Variants in CNGB3 observed in about 807,000 individuals in gnomAD.
CNGB3 encodes the protein cyclic nucleotide gated channel subunit beta 3, also known as cyclic nucleotide-gated channel beta-3.
A neutral mutation model predicts 92.8 loss-of-function variants in CNGB3; 86 were observed. That is an observed-to-expected ratio of 0.93 (90% confidence interval 0.78 to 1.11). The LOEUF (loss-of-function observed/expected upper bound fraction) is 1.11, where lower values mean the gene tolerates loss of function less well. Among genes scored for constraint, CNGB3 ranks in the 50% least tolerant of loss-of-function variants. The pLI is 0.00. For missense variants in CNGB3, 1,026 were observed against 956.8 expected (o/e 1.07, Z -0.95); for synonymous variants, 333 against 332.7 (o/e 1.00, Z -0.01).
intron 3 of CNGB3, among the ~76,000 whole-genome samples, chr8:86,675,915 T>C (rs1823958129): frequency 6.6e-6 from 1 of 152,110 alleles, no homozygotes; most frequent in African/African-American, 2.4e-5. Context: ...ATTACAGAAG[T>C]TTTTACCCTC....
intron 7 of CNGB3, among the ~76,000 whole-genome samples, chr8:86,648,754 TATTGTAAGGCCAC>T (rs1823340461): frequency 6.6e-6 from 1 of 151,116 alleles, no homozygotes; most frequent in African/African-American, 2.4e-5. Flanking sequence ...GTTAAGAACA[TATTGTAAGGCCAC>T]ACATATAAAA....
chr8:86,659,834 GT>G, intron 6 of CNGB3: 1 of 407,684 alleles, frequency 2.5e-6, no homozygotes, highest in South Asian at 2.0e-5. Flanking sequence ...GAATTTCTTG[GT>G]TTTGTTGTTT....
chr8:86,594,786 G>A (rs186418880), intron 15 of CNGB3, among the ~76,000 whole-genome samples: 33 of 152,282 alleles, frequency 2.2e-4, no homozygotes, highest in Admixed American at 7.8e-4. Context: ...TCGGCTCACT[G>A]CAACCTCCGA....
intron 7 of CNGB3, among the ~76,000 whole-genome samples, chr8:86,650,428 T>A (rs1823380717): frequency 6.6e-6 from 1 of 150,778 alleles, no homozygotes; most frequent in Non-Finnish European, 1.5e-5. Context: ...AAAAGACACA[T>A]GCACATATAG....
intron 3 of CNGB3, among the ~76,000 whole-genome samples, chr8:86,681,941 C>A (rs1255230434): frequency 2.6e-5 from 4 of 152,182 alleles, no homozygotes; most frequent in Non-Finnish European, 4.4e-5. Flanking sequence ...AAGAAAGCAG[C>A]AAATTCCATT....
chr8:86,655,662 C>G (rs1585995937), intron 6 of CNGB3, among the ~76,000 whole-genome samples: 1 of 152,140 alleles, frequency 6.6e-6, no homozygotes, highest in Non-Finnish European at 1.5e-5. Flanking sequence ...TTTTGTTGGT[C>G]TGTCCTAGAC....
At chr8:86,607,838 A>G (rs1056383286) in intron 14 of CNGB3, among the ~76,000 whole-genome samples, 1 of 152,174 alleles carries the variant, frequency 6.6e-6, no homozygotes, top group Admixed American at 6.5e-5. Context: ...GATAACCTCA[A>G]ATTGAACGTA....
At chr8:86,581,861 G>A (rs1204845705) in intron 15 of CNGB3, among the ~76,000 whole-genome samples, 1 of 152,106 alleles carries the variant, frequency 6.6e-6, no homozygotes, top group African/African-American at 2.4e-5. Flanking sequence ...GGAACTAGAA[G>A]GAATTTGAAG....
At chr8:86,684,087 A>C (rs923413972) in intron 3 of CNGB3, among the ~76,000 whole-genome samples, 3 of 152,314 alleles carry the variant, frequency 2.0e-5, no homozygotes, top group Middle Eastern at 3.4e-3. Context: ...AAATATTCAC[A>C]GACTACCTAT....
intron 15 of CNGB3, among the ~76,000 whole-genome samples, chr8:86,583,700 G>T (rs959711637): frequency 2.3e-4 from 35 of 152,008 alleles, no homozygotes; most frequent in African/African-American, 7.9e-4. Flanking sequence ...CAGGCAGATT[G>T]CTGGAGCCCA....
intron 15 of CNGB3, among the ~76,000 whole-genome samples, chr8:86,592,979 G>T (rs187925227): frequency 6.6e-6 from 1 of 152,308 alleles, no homozygotes; most frequent in East Asian, 1.9e-4. Flanking sequence ...ATCAGAGGAT[G>T]TTCTAAGGCC....
intron 14 of CNGB3, among the ~76,000 whole-genome samples, chr8:86,608,711 G>A (rs923741337): frequency 6.6e-6 from 1 of 152,234 alleles, no homozygotes; most frequent in African/African-American, 2.4e-5. Context: ...AATAGCATAA[G>A]CTGTCTTTCT....
At chr8:86,738,006 T>A (rs1825274912) in intron 2 of CNGB3, among the ~76,000 whole-genome samples, 1 of 152,212 alleles carries the variant, frequency 6.6e-6, no homozygotes, top group East Asian at 1.9e-4. Context: ...AGATGAGACA[T>A]TTGGGCTAGT....
intron 2 of CNGB3, among the ~76,000 whole-genome samples, chr8:86,728,236 A>G (rs1825096462): frequency 1.3e-5 from 2 of 152,174 alleles, no homozygotes; most frequent in South Asian, 4.1e-4. Context: ...ACATCCTTGA[A>G]GCCTGCGTAT....
chr8:86,592,039 G>T (rs1380754565), intron 15 of CNGB3, among the ~76,000 whole-genome samples: 2 of 152,232 alleles, frequency 1.3e-5, no homozygotes, highest in Non-Finnish European at 2.9e-5. Context: ...ATATAATCTC[G>T]TGGTGTGCTG....
intron 14 of CNGB3, among the ~76,000 whole-genome samples, chr8:86,607,197 C>T (rs894113895): frequency 4.6e-5 from 7 of 152,092 alleles, no homozygotes; most frequent in Non-Finnish European, 8.8e-5. Context: ...GCATAATCAA[C>T]GAACCAAAAC....
chr8:86,605,216 A>G (rs1822389842), intron 14 of CNGB3, among the ~76,000 whole-genome samples: 1 of 152,214 alleles, frequency 6.6e-6, no homozygotes, highest in Non-Finnish European at 1.5e-5. Flanking sequence ...ATATAACTTT[A>G]TGTTGAATTA....
chr8:86,691,704 A>T (rs1824320212), intron 3 of CNGB3, among the ~76,000 whole-genome samples: 1 of 151,336 alleles, frequency 6.6e-6, no homozygotes, highest in African/African-American at 2.4e-5. Flanking sequence ...TCTCTTTTGT[A>T]TTTTTTGTTT....
At chr8:86,644,764 A>T in intron 8 of CNGB3, 78 bp from the exon 9 acceptor site, 4 of 954,142 alleles carry the variant, frequency 4.2e-6, no homozygotes, top group East Asian at 3.3e-5. Flanking sequence ...TATGAAATAG[A>T]TTTTATTACT....
Sources: gnomAD v4.1 joint callset for allele counts (sites outside exome capture counted in the v4.1 genomes callset) on GRCh38, gnomAD v4.1.1 for gene constraint, MANE v1.5 for transcripts, NCBI Gene and HGNC (gene_info 2026-07-23, HGNC 2026-07-21) for gene names.